PITPNC1: variants seen among roughly 807,000 people sequenced by gnomAD.
PITPNC1 encodes the protein phosphatidylinositol transfer protein cytoplasmic 1.
Under a neutral mutation model 44.7 loss-of-function variants are expected in PITPNC1, and 18 were observed. The observed-to-expected ratio is 0.40, with a 90% CI of 0.28 to 0.60. PITPNC1 has a LOEUF of 0.60. Among genes scored for constraint, PITPNC1 ranks in the 20% least tolerant of loss-of-function variants. The pLI is 0.39. For missense variants in PITPNC1, 290 were observed against 418.4 expected (o/e 0.69, Z 2.68); for synonymous variants, 141 against 149.6 (o/e 0.94, Z 0.42).
chr17:67,563,891 G>A (rs1464826035), intron 4 of PITPNC1, among the ~76,000 whole-genome samples: 1 of 152,104 alleles, frequency 6.6e-6, no homozygotes, highest in East Asian at 1.9e-4. Flanking sequence ...AGAAATGGGT[G>A]GATGGATAGA....
chr17:67,687,703 G>A (rs1048334103), intron 8 of PITPNC1, among the ~76,000 whole-genome samples: 1 of 152,156 alleles, frequency 6.6e-6, no homozygotes, highest in African/African-American at 2.4e-5. Context: ...GCTGCAGTCT[G>A]TGCAGACACA....
intron 1 of PITPNC1, among the ~76,000 whole-genome samples, chr17:67,478,873 G>A (rs1201841698): frequency 6.6e-6 from 1 of 151,258 alleles, no homozygotes; most frequent in Non-Finnish European, 1.5e-5. Context: ...CTGAGCCTGC[G>A]ACTTTCTTCA....
At chr17:67,411,207 A>G (rs530615359) in intron 1 of PITPNC1, among the ~76,000 whole-genome samples, 1 of 152,220 alleles carries the variant, frequency 6.6e-6, no homozygotes, top group South Asian at 2.1e-4. Flanking sequence ...CCTGCCCATA[A>G]TGATGAGACA....
chr17:67,475,482 C>T (rs1380660136), intron 1 of PITPNC1, among the ~76,000 whole-genome samples: 1 of 152,228 alleles, frequency 6.6e-6, no homozygotes, highest in South Asian at 2.1e-4. Flanking sequence ...ACCTTCCCTA[C>T]GTTTTTAACA....
At chr17:67,380,128 G>A (rs1328931523) in intron 1 of PITPNC1, among the ~76,000 whole-genome samples, 1 of 150,574 alleles carries the variant, frequency 6.6e-6, no homozygotes, top group Non-Finnish European at 1.5e-5. Flanking sequence ...AGGGTGGGGC[G>A]CAATGGCGAG....
intron 5 of PITPNC1, among the ~76,000 whole-genome samples, chr17:67,590,674 A>T (rs1445120052): frequency 6.6e-6 from 1 of 152,204 alleles, no homozygotes; most frequent in Non-Finnish European, 1.5e-5. Flanking sequence ...ATAATTTTAC[A>T]ATAGACAGCC....
intron 2 of PITPNC1, among the ~76,000 whole-genome samples, chr17:67,540,021 G>A (rs1356825112): frequency 1.3e-5 from 2 of 152,104 alleles, no homozygotes; most frequent in African/African-American, 4.8e-5. Flanking sequence ...CCTTTGAGGA[G>A]GGAGAGGAAT....
At chr17:67,518,603 C>G (rs1325080503) in intron 1 of PITPNC1, among the ~76,000 whole-genome samples, 2 of 152,100 alleles carry the variant, frequency 1.3e-5, no homozygotes, top group African/African-American at 2.4e-5. Flanking sequence ...TTTAAAACAT[C>G]CTGTAATCAT....
At chr17:67,451,830 G>C (rs900336649) in intron 1 of PITPNC1, among the ~76,000 whole-genome samples, 2 of 151,936 alleles carry the variant, frequency 1.3e-5, no homozygotes, top group Non-Finnish European at 2.9e-5. Context: ...TAGAGATGGA[G>C]TTTCACCATG....
At chr17:67,383,576 C>A (rs758862081) in intron 1 of PITPNC1, among the ~76,000 whole-genome samples, 5 of 152,172 alleles carry the variant, frequency 3.3e-5, no homozygotes, top group Non-Finnish European at 7.4e-5. Context: ...CAGTGAGCGA[C>A]CTGCTCACCA....
In PITPNC1 at chr17:67,660,521, T is replaced by A. The variant is rs537628695; in HGVS notation, c.463-8987T>A. ...ATATATATTTTATTTTATTTTATTT[T>A]ATTTATTTATTTATTTATTTGTTTA... is the stretch of plus-strand genomic sequence containing the variant. On this transcript the variant is annotated intron_variant, in intron 6 of 8. Transcript: ENST00000581322. Among the ~76,000 whole-genome samples, 105 of 135,148 alleles carry A rather than the reference T, an allele frequency of 7.8e-4. 1 individual carries two copies. In the Middle Eastern group the frequency reaches 0.019, roughly 24 times the overall value. The allele number at this position is 135,148 out of a possible 152,430, so 88.7% of individuals were successfully genotyped here.
chr17:67,583,830 G>C (rs1213819784), intron 5 of PITPNC1, among the ~76,000 whole-genome samples: 3 of 150,886 alleles, frequency 2.0e-5, no homozygotes, highest in East Asian at 4.0e-4. Flanking sequence ...AGAGTAGCTG[G>C]GAGTACAGGC....
intron 1 of PITPNC1, among the ~76,000 whole-genome samples, chr17:67,479,670 T>A (rs1293198645): frequency 6.6e-6 from 1 of 152,064 alleles, no homozygotes; most frequent in African/African-American, 2.4e-5. Context: ...TTTTTTTTTC[T>A]GAAGGGAAGA....
intron 5 of PITPNC1, among the ~76,000 whole-genome samples, chr17:67,602,831 G>T: frequency 6.6e-6 from 1 of 152,088 alleles, no homozygotes; most frequent in Non-Finnish European, 1.5e-5. Context: ...CGACCTCCTG[G>T]ACTCAGGTGA....
At chr17:67,599,034 A>ATATATATAT (rs1461493250) in intron 5 of PITPNC1, among the ~76,000 whole-genome samples, 8 of 35,670 alleles carry the variant, frequency 2.2e-4, no homozygotes, top group East Asian at 9.2e-4. Flanking sequence ...ATATATATAT[A>ATATATATAT]TTTTTTTTTT....
chr17:67,538,658 A>G (rs571741039), intron 2 of PITPNC1, among the ~76,000 whole-genome samples: 1 of 152,320 alleles, frequency 6.6e-6, no homozygotes, highest in Admixed American at 6.5e-5. Flanking sequence ...TAAATGTGAA[A>G]AAATCAGAAG....
chr17:67,655,652 G>A (rs917065768), intron 6 of PITPNC1, among the ~76,000 whole-genome samples: 4 of 151,650 alleles, frequency 2.6e-5, no homozygotes, highest in South Asian at 2.1e-4. Flanking sequence ...TCAACATATG[G>A]GTTGGGTTCG....
At chr17:67,639,008 A>G (rs926411544) in intron 6 of PITPNC1, 33 of 152,334 alleles carry the variant, frequency 2.2e-4, no homozygotes, top group African/African-American at 7.7e-4. Context: ...CTATAGTCCT[A>G]GCTACTCAGG....
chr17:67,503,453 C>T (rs953480749), intron 1 of PITPNC1, among the ~76,000 whole-genome samples: 60 of 152,102 alleles, frequency 3.9e-4, no homozygotes, highest in Admixed American at 1.2e-3. Context: ...AGGGAGGGGG[C>T]ATTGTTTGTT....
Sources: gnomAD v4.1 joint callset for allele counts (sites outside exome capture counted in the v4.1 genomes callset) on GRCh38, gnomAD v4.1.1 for gene constraint, MANE v1.5 for transcripts, NCBI Gene and HGNC (gene_info 2026-07-23, HGNC 2026-07-21) for gene names.